The following CEP112 variants were observed in gnomAD, a reference collection of about 807,000 sequenced individuals.
CEP112 encodes centrosomal protein of 112 kDa.
Under a neutral mutation model 153.0 loss-of-function variants are expected in CEP112, and 127 were observed. The observed-to-expected ratio is 0.83, with a 90% CI of 0.72 to 0.96. The LOEUF (loss-of-function observed/expected upper bound fraction) is 0.96, where lower values mean the gene tolerates loss of function less well. Among genes scored for constraint, CEP112 ranks in the 40% least tolerant of loss-of-function variants. CEP112 has a pLI of 0.00. For missense variants in CEP112, 1,089 were observed against 1,101.2 expected (o/e 0.99, Z 0.16); for synonymous variants, 358 against 374.4 (o/e 0.96, Z 0.51).
At chr17:65,763,167 T>A (rs1326274594) in intron 21 of CEP112, among the ~76,000 whole-genome samples, 1 of 152,126 alleles carries the variant, frequency 6.6e-6, no homozygotes, top group Non-Finnish European at 1.5e-5. Context: ...AGAAAACTGA[T>A]GTAATTCTCA....
intron 8 of CEP112, among the ~76,000 whole-genome samples, chr17:66,070,549 G>A (rs2067274612): frequency 6.6e-6 from 1 of 151,934 alleles, no homozygotes; most frequent in East Asian, 1.9e-4. Context: ...ATAGACCCCC[G>A]CTCCCTCAAG....
At chr17:66,117,828 C>T (rs1418185666) in intron 6 of CEP112, among the ~76,000 whole-genome samples, 1 of 152,000 alleles carries the variant, frequency 6.6e-6, no homozygotes, top group Middle Eastern at 3.4e-3. Flanking sequence ...GGGGAAAATC[C>T]CTCATTTTTA....
At chr17:65,718,651 C>G (rs2049691972) in intron 23 of CEP112, among the ~76,000 whole-genome samples, 1 of 151,878 alleles carries the variant, frequency 6.6e-6, no homozygotes, top group South Asian at 2.1e-4. Flanking sequence ...TTGATAAAAT[C>G]AAAGGGATTT....
In CEP112 at chr17:65,762,145, G is replaced by A. The variant is rs186368146; in HGVS notation, c.2395-11421C>T. On this transcript the variant is annotated intron_variant, in intron 21 of 26. Transcript: ENST00000535342. ...ATATACACCTGTTAAGGATTGATAT[G>A]TCTTCCTGGATAATTAAACCCTTTA... Among the ~76,000 whole-genome samples, 5 of 152,094 alleles carry A rather than the reference G, an allele frequency of 3.3e-5. No individual in the cohort carries two copies. In the East Asian group the frequency reaches 9.7e-4, roughly 29 times the overall value.
intron 19 of CEP112, among the ~76,000 whole-genome samples, chr17:65,912,324 G>A (rs1308666009): frequency 6.6e-6 from 1 of 152,038 alleles, no homozygotes; most frequent in Admixed American, 6.6e-5. Context: ...CCCATGTAGT[G>A]CCTGCCATTC....
At chr17:65,904,348 C>T (rs1175128726) in intron 19 of CEP112, among the ~76,000 whole-genome samples, 1 of 152,154 alleles carries the variant, frequency 6.6e-6, no homozygotes, top group African/African-American at 2.4e-5. Flanking sequence ...AACTCCCATT[C>T]ACAATTACTA....
chr17:66,061,917 G>A (rs1324948327), intron 11 of CEP112, among the ~76,000 whole-genome samples: 1 of 152,118 alleles, frequency 6.6e-6, no homozygotes, highest in Non-Finnish European at 1.5e-5. Context: ...ATGTGTCAAA[G>A]GAGAGACCAG....
In CEP112 at chr17:65,851,606, AG is replaced by A. The variant is rs541688987; in HGVS notation, c.2394+197del. On this transcript the variant is annotated intron_variant, in intron 21 of 26. Coordinates refer to ENST00000535342, the MANE Select transcript of CEP112 (RefSeq NM_001199165.4). ...TCCCTTCCATGAAAGCCAAGGGAAA[AG>A]TTAGGAAATTCCCTAGATTATTTTA... Among the ~76,000 whole-genome samples the A allele has an allele frequency of 7.9e-3, 1,209 of 152,310 alleles. 12 individuals carry two copies. The highest frequency in any genetic ancestry group is 0.02 in the South Asian group (96 of 4,828).
chr17:66,023,478 TAAA>T, intron 16 of CEP112, among the ~76,000 whole-genome samples: 1 of 152,144 alleles, frequency 6.6e-6, no homozygotes, highest in Non-Finnish European at 1.5e-5. Flanking sequence ...ACAAGCTTCA[TAAA>T]TGAAAGAAAT....
chr17:66,008,021 C>T (rs1409343159), intron 16 of CEP112, among the ~76,000 whole-genome samples: 2 of 152,072 alleles, frequency 1.3e-5, no homozygotes, highest in Non-Finnish European at 2.9e-5. Context: ...CATGTTCTGA[C>T]AGATTGACAC....
At chr17:66,175,462 A>T (rs1457716518) in intron 3 of CEP112, among the ~76,000 whole-genome samples, 1 of 152,228 alleles carries the variant, frequency 6.6e-6, no homozygotes, top group Non-Finnish European at 1.5e-5. Context: ...CATAACAGAT[A>T]AATCTGATAG....
chr17:66,021,646 G>A (rs146309131), intron 16 of CEP112, among the ~76,000 whole-genome samples: 1 of 152,124 alleles, frequency 6.6e-6, no homozygotes, highest in East Asian at 1.9e-4. Context: ...AGAGAACTTG[G>A]TGCAGCAGTG....
chr17:65,765,788 A>C (rs2052929102), intron 21 of CEP112, among the ~76,000 whole-genome samples: 1 of 152,128 alleles, frequency 6.6e-6, no homozygotes, highest in African/African-American at 2.4e-5. Flanking sequence ...TGACCACTGC[A>C]TCTATCCAGA....
intron 18 of CEP112, among the ~76,000 whole-genome samples, chr17:65,931,341 A>T (rs993745090): frequency 6.6e-6 from 1 of 152,208 alleles, no homozygotes; most frequent in Non-Finnish European, 1.5e-5. Flanking sequence ...TCACATTACA[A>T]AAATAATAGA....
At chr17:66,134,974 C>T (rs868265039) in intron 4 of CEP112, among the ~76,000 whole-genome samples, 3 of 152,154 alleles carry the variant, frequency 2.0e-5, no homozygotes, top group South Asian at 4.1e-4. Flanking sequence ...ATTTTACATG[C>T]TTTCTCTGGA....
At chr17:66,077,767 G>A (rs2067557194) in intron 8 of CEP112, among the ~76,000 whole-genome samples, 1 of 152,208 alleles carries the variant, frequency 6.6e-6, no homozygotes, top group African/African-American at 2.4e-5. Context: ...TCATCAAGTT[G>A]TATATTCTGG....
intron 19 of CEP112, among the ~76,000 whole-genome samples, chr17:65,925,526 T>C (rs192020828): frequency 6.6e-6 from 1 of 152,354 alleles, no homozygotes; most frequent in Admixed American, 6.5e-5. Context: ...CCTTTTCTAC[T>C]GGTCCAGCAT....
chr17:65,683,450 G>A (rs232112), intron 24 of CEP112, among the ~76,000 whole-genome samples: 71,595 of 152,062 alleles, frequency 0.47, 17,122 homozygotes, highest in Admixed American at 0.55. Context: ...AGAGGACCCC[G>A]GGGGCAACCC....
chr17:66,137,783 T>C (rs2070503475), intron 4 of CEP112, among the ~76,000 whole-genome samples: 1 of 152,134 alleles, frequency 6.6e-6, no homozygotes. Context: ...AAGGAGTTCA[T>C]CACCACTACA....
Sources: allele counts gnomAD v4.1 joint callset (sites outside exome capture counted in the v4.1 genomes callset), GRCh38; gene constraint gnomAD v4.1.1; transcripts MANE v1.5; gene names NCBI Gene and HGNC (gene_info 2026-07-23, HGNC 2026-07-21).